Variants in ACOT7 observed in about 807,000 individuals in gnomAD.
ACOT7 encodes acyl-CoA thioesterase 7, also known as cytosolic acyl coenzyme A thioester hydrolase.
Under a neutral mutation model 40.2 loss-of-function variants are expected in ACOT7, and 12 were observed. The ratio of observed to expected loss-of-function variants is 0.30; its 90% CI spans 0.19 to 0.48. The LOEUF is 0.48. ACOT7 is among the 20% of genes least tolerant of loss of function. The pLI is 0.99. For synonymous variants in ACOT7, 228 were observed against 219.5 expected (o/e 1.04, Z -0.34); for missense variants, 395 against 530.8 (o/e 0.74, Z 2.51).
At chr1:6,380,560 G>A (rs1408396780) in intron 1 of ACOT7, among the ~76,000 whole-genome samples, 1 of 147,088 alleles carries the variant, frequency 6.8e-6, no homozygotes, top group Admixed American at 6.8e-5. Context: ...CTGCACTCCA[G>A]CCTGGGCAAC....
intron 1 of ACOT7, among the ~76,000 whole-genome samples, chr1:6,382,840 C>T (rs1478931107): frequency 6.6e-6 from 1 of 151,674 alleles, no homozygotes; most frequent in Non-Finnish European, 1.5e-5. Flanking sequence ...CCATCTTAAC[C>T]ATATACATAT....
chr1:6,330,247 A>G lies in ACOT7; in HGVS notation c.511-2834T>C, dbSNP rs907532882. On this transcript the variant is annotated intron_variant, in intron 4 of 8. Coordinates refer to ENST00000361521, the MANE Select transcript of ACOT7 (RefSeq NM_007274.4). This position sits in a 1 kb window ranked among gnomAD's most constrained non-coding sequence, Gnocchi z 4.6. ...GGAGCATGCTCATGCAATATAAGAC[A>G]GCCCTGTGGCCAGGCCACCAGCAGA... 6.6e-6 allele frequency among the ~76,000 whole-genome samples: 1 copy of G among 152,234 alleles called. No individual in the cohort carries two copies. Among genetic ancestry groups the G allele is most frequent in the African/African-American group, 2.4e-5 (1 of 41,460 alleles).
In ACOT7 at chr1:6,377,163, G is replaced by A. The variant is rs945264264; in HGVS notation, c.143+16094C>T. Among the ~76,000 whole-genome samples the A allele has an allele frequency of 8.5e-5, 13 of 152,276 alleles. No individual in the cohort carries two copies. In the East Asian group the frequency reaches 2.5e-3, roughly 29 times the overall value. ...GCAAAATGGCACAGCCACTTTGGAA[G>A]ACAGTTTGGCAGTTTTGTACAAAGC... is the stretch of plus-strand genomic sequence containing the variant. On this transcript the variant is annotated intron_variant, in intron 1 of 8. Coordinates refer to ENST00000361521, the MANE Select transcript of ACOT7 (RefSeq NM_007274.4).
Position 6,393,582 on chromosome 1 carries a change from G to A in ACOT7, c.-183C>T, listed in dbSNP as rs1052999225. 62 of 434,876 alleles carry A rather than the reference G, an allele frequency of 1.4e-4. 1 individual carries two copies. The Admixed American group carries it at 1.8e-3, about 12-fold the overall frequency. 26.9% of individuals were successfully genotyped at this position (434,876 alleles called of 1,614,324 possible). A position where few individuals can be genotyped will look rare whatever the true frequency, so the allele number is the denominator to read the frequency against. On this transcript the variant is annotated 5_prime_UTR_variant, in exon 1 of 9. Transcript: ENST00000361521. ...GGCGTACGATTCTGGCGGCGTGGGG[G>A]CCCAGGCAGCCGCCGCTTCCAGAAG... is the stretch of plus-strand genomic sequence containing the variant.
chr1:6,342,945 T>TAA (rs149784701), intron 2 of ACOT7, among the ~76,000 whole-genome samples: 6,624 of 152,308 alleles, frequency 0.043, 165 homozygotes, highest in South Asian at 0.048. Context: ...GATGACCTTG[T>TAA]GTTTGAGCCA....
chr1:6,353,323 GA>G (rs141501484), intron 1 of ACOT7, among the ~76,000 whole-genome samples: 7 of 147,372 alleles, frequency 4.7e-5, no homozygotes, highest in South Asian at 2.2e-4. Flanking sequence ...TGTCTCAAAA[GA>G]AAAAAAAAAT....
At chr1:6,345,747 G>A (rs565477758) in intron 2 of ACOT7, among the ~76,000 whole-genome samples, 4 of 152,278 alleles carry the variant, frequency 2.6e-5, no homozygotes, top group Middle Eastern at 3.4e-3. Flanking sequence ...CCACCTAACT[G>A]TTCTAGGCCT....
rs976881397 is a variant in ACOT7 at position 6,298,874 on chromosome 1, G to A, written c.713-3894C>T. 3.3e-5 allele frequency among the ~76,000 whole-genome samples: 5 copies of A among 152,340 alleles called. No homozygotes were observed. The East Asian group carries it at 5.8e-4, about 18-fold the overall frequency. ...AACACAAAACAGAATAGGATCATCC[G>A]TGTGTCAATATCGAGGGCTTCCTTG... On this transcript the variant is annotated intron_variant, in intron 6 of 8. Coordinates refer to ENST00000361521, the MANE Select transcript of ACOT7 (RefSeq NM_007274.4).
intron 1 of ACOT7, among the ~76,000 whole-genome samples, chr1:6,382,821 C>A (rs1642363406): frequency 6.6e-6 from 1 of 151,752 alleles, no homozygotes; most frequent in East Asian, 1.9e-4. Flanking sequence ...AAAAACAAAA[C>A]AAAACCTGCC....
intron 5 of ACOT7, among the ~76,000 whole-genome samples, chr1:6,325,730 T>C (rs1640781200): frequency 6.6e-6 from 1 of 152,240 alleles, no homozygotes. Context: ...ACACTCCTGC[T>C]GCATGCCAGC....
Position 6,275,954 on chromosome 1 carries a change from C to T in ACOT7, c.1014+5148G>A, listed in dbSNP as rs1047395542. ...TAATGTGGTTGCACAGTTGGAGCCT[C>T]GGCTAATCTGGGGACACATCCCCTC... is the stretch of plus-strand genomic sequence containing the variant. On this transcript the variant is annotated intron_variant, in intron 8 of 8. Transcript: ENST00000361521. The surrounding 1 kb of genome is among the most constrained non-coding windows in gnomAD (Gnocchi z 5.6). Among the ~76,000 whole-genome samples the T allele has an allele frequency of 3.3e-5, 5 of 152,254 alleles. No homozygotes were observed. Among genetic ancestry groups the T allele is most frequent in the Non-Finnish European group, 7.4e-5 (5 of 68,014 alleles).
chr1:6,371,361 CCTT>C (rs1327693367), intron 1 of ACOT7, among the ~76,000 whole-genome samples: 3 of 127,058 alleles, frequency 2.4e-5, no homozygotes, highest in East Asian at 2.1e-4. Flanking sequence ...GTCAGCCTGT[CCTT>C]TTTTTTTTTT....
At chr1:6,324,777 T>C (rs1024663785) in intron 5 of ACOT7, among the ~76,000 whole-genome samples, 3 of 152,216 alleles carry the variant, frequency 2.0e-5, no homozygotes, top group Non-Finnish European at 4.4e-5. Context: ...ATCACTGGAT[T>C]TGGGGCCCAC....
chr1:6,375,777 A>G (rs1642218102), intron 1 of ACOT7, among the ~76,000 whole-genome samples: 1 of 151,776 alleles, frequency 6.6e-6, no homozygotes, highest in African/African-American at 2.4e-5. Context: ...TCTACTAAAA[A>G]TACAAAAAAA....
chr1:6,264,550 GCCCGTTGCCA>G lies in ACOT7; in HGVS notation c.*37_*46del, dbSNP rs1290973912. ...GAACTTCTAAGTGACTGGACACTGG[GCCCGTTGCCA>G]TGGCTACTCGAGGCACCAGTGGCAG... On this transcript the variant is annotated 3_prime_UTR_variant, in exon 9 of 9. Coordinates refer to ENST00000361521, the MANE Select transcript of ACOT7 (RefSeq NM_007274.4). The G allele has an allele frequency of 5.1e-6, 8 of 1,563,790 alleles. No homozygotes were observed. Among genetic ancestry groups the G allele is most frequent in the African/African-American group, 2.7e-5 (2 of 73,764 alleles).
intron 1 of ACOT7, chr1:6,385,397 C>T (rs1642418619): frequency 6.9e-7 from 1 of 1,452,070 alleles, no homozygotes; most frequent in Non-Finnish European, 9.3e-7. Context: ...ACTACCCTCC[C>T]CAAAACTCCT....
chr1:6,314,817 C>G (rs568512720), intron 6 of ACOT7, among the ~76,000 whole-genome samples: 1 of 152,094 alleles, frequency 6.6e-6, no homozygotes, highest in South Asian at 2.1e-4. Flanking sequence ...ACACCCTCCA[C>G]GAGCCATTCA....
At chr1:6,371,752 C>T (rs1370952305) in intron 1 of ACOT7, among the ~76,000 whole-genome samples, 2 of 152,076 alleles carry the variant, frequency 1.3e-5, no homozygotes, top group Non-Finnish European at 2.9e-5. Flanking sequence ...TTCACCCACA[C>T]TGAAAACCTA....
At chr1:6,392,161 T>C (rs528732167) in intron 1 of ACOT7, among the ~76,000 whole-genome samples, 47 of 152,164 alleles carry the variant, frequency 3.1e-4, no homozygotes, top group Non-Finnish European at 6.2e-4. Context: ...CCAGCCTTCC[T>C]GGAGATGTCA....
Sources: gnomAD v4.1 joint callset for allele counts (sites outside exome capture counted in the v4.1 genomes callset) on GRCh38, gnomAD v4.1.1 for gene constraint, Gnocchi (gnomAD v3.1) non-coding constraint, MANE v1.5 for transcripts, NCBI Gene and HGNC (gene_info 2026-07-23, HGNC 2026-07-21) for gene names.